ADAMTS17: variants seen among roughly 807,000 people sequenced by gnomAD.
The protein encoded by ADAMTS17 is ADAM metallopeptidase with thrombospondin type 1 motif 17, also known as A disintegrin and metalloproteinase with thrombospondin motifs 17.
Under a neutral mutation model 141.5 loss-of-function variants are expected in ADAMTS17, and 113 were observed. The ratio of observed to expected loss-of-function variants is 0.80; its 90% CI spans 0.69 to 0.93. The LOEUF (loss-of-function observed/expected upper bound fraction) is 0.93, where lower values mean the gene tolerates loss of function less well. Ranked by LOEUF, ADAMTS17 falls within the 40% of genes least tolerant of loss-of-function variation. The probability of loss-of-function intolerance (pLI) is 0.00; values close to 1 mark genes in which losing one functional copy is unlikely to be tolerated. For missense variants in ADAMTS17, 1,659 were observed against 1,517.9 expected (o/e 1.09, Z -1.54); for synonymous variants, 768 against 630.6 (o/e 1.22, Z -3.27).
chr15:100,045,971 C>T (rs2031649962), intron 18 of ADAMTS17, among the ~76,000 whole-genome samples: 1 of 152,180 alleles, frequency 6.6e-6, no homozygotes, highest in Admixed American at 6.5e-5. Flanking sequence ...ACCTCCACCT[C>T]CCAGGTTCAA....
At position 100,179,954 on chromosome 15, in the gene ADAMTS17, T is replaced by C. The variant is rs548041527; in HGVS notation, c.1181+19364A>G. Reference sequence around the variant, plus strand: ...TCTTGTCAGATGGGTAGTTTGTAAATATTTTCTCCCATTCTGTGGGGTGTC... The same window carrying C: ...TCTTGTCAGATGGGTAGTTTGTAAACATTTTCTCCCATTCTGTGGGGTGTC... On this transcript the variant is annotated intron_variant, in intron 8 of 21. Coordinates refer to ENST00000268070, the MANE Select transcript of ADAMTS17 (RefSeq NM_139057.4). Among the ~76,000 whole-genome samples the C allele has an allele frequency of 7.2e-5, 11 of 152,316 alleles. No homozygotes were observed. The South Asian group carries it at 2.3e-3, about 32-fold the overall frequency.
intron 15 of ADAMTS17, among the ~76,000 whole-genome samples, chr15:100,077,835 G>T (rs1392096225): frequency 6.6e-6 from 1 of 152,158 alleles, no homozygotes; most frequent in African/African-American, 2.4e-5. Flanking sequence ...TCTATTTGCA[G>T]ATGCTAAAAT....
At position 100,213,897 on chromosome 15, in the gene ADAMTS17, C is replaced by G. The variant is rs140552860; in HGVS notation, c.1076-14474G>C. ...AGGGTCAGATAGAGGTGCTGAGCCCCTATGTCAAAGTTATTAAATGTTTTT... is the reference window on the plus strand; with the variant it reads ...AGGGTCAGATAGAGGTGCTGAGCCCGTATGTCAAAGTTATTAAATGTTTTT... On this transcript the variant is annotated intron_variant, in intron 7 of 21. Coordinates refer to ENST00000268070, the MANE Select transcript of ADAMTS17 (RefSeq NM_139057.4). 1.6e-3 allele frequency among the ~76,000 whole-genome samples: 247 copies of G among 152,338 alleles called. 7 individuals are homozygous for G. In the South Asian group the frequency reaches 0.043, roughly 27 times the overall value.
chr15:100,269,500 G>C (rs2043831492), intron 4 of ADAMTS17, among the ~76,000 whole-genome samples: 2 of 152,128 alleles, frequency 1.3e-5, no homozygotes. Flanking sequence ...TGTATTCATT[G>C]AGGAAAACTG....
chr15:99,978,704 G>A (rs1241856233), intron 20 of ADAMTS17: 2 of 152,248 alleles, frequency 1.3e-5, no homozygotes, highest in Admixed American at 6.5e-5. Context: ...CGCGACTCCC[G>A]CCCTGCTGGT....
intron 15 of ADAMTS17, among the ~76,000 whole-genome samples, chr15:100,082,402 A>G (rs1012577411): frequency 6.7e-6 from 1 of 149,048 alleles, no homozygotes; most frequent in African/African-American, 2.5e-5. Flanking sequence ...TTTTTTTGAG[A>G]CAGGGTCTCA....
chr15:99,976,200 C>T lies in ADAMTS17; in HGVS notation c.2972G>A (p.Gly991Asp), dbSNP rs2060324402. Residue 991 changes from glycine (G) to aspartate (D), a missense_variant, in exon 21 of 22, where the codon GGC becomes GAC. Gly to Asp is a moderately conservative substitution (Grantham distance 94, BLOSUM62 -1). Coordinates refer to ENST00000268070, the MANE Select transcript of ADAMTS17 (RefSeq NM_139057.4). Reference protein sequence around the residue: ...WSTCSSTCGKGLQSRVVQCMH... With the variant: ...WSTCSSTCGKDLQSRVVQCMH... ...GCACTGCACCACCCGGGACTGCAGG[C>T]CCTTCCCGCAGGTCGACGAGCACTG... is the stretch of plus-strand genomic sequence containing the variant. The T allele has an allele frequency of 1.3e-6, 2 of 1,548,230 alleles. No individual in the cohort carries two copies. The highest frequency in any genetic ancestry group is 8.7e-7 in the Non-Finnish European group (1 of 1,146,986).
rs149691082 is a variant in ADAMTS17 at position 99,998,350 on chromosome 15, C to A, written c.2592-761G>T. Among the ~76,000 whole-genome samples, 1,292 of 152,304 alleles carry A rather than the reference C, an allele frequency of 8.5e-3. 24 individuals are homozygous for A. The highest frequency in any genetic ancestry group is 0.029 in the African/African-American group (1,217 of 41,552). On this transcript the variant is annotated intron_variant, in intron 18 of 21. Coordinates refer to ENST00000268070, the MANE Select transcript of ADAMTS17 (RefSeq NM_139057.4). The stretch of plus-strand genomic sequence containing the variant: ...CTGGGCGGTGGCTGACGCCTGTAAT[C>A]CCAGCACTTTGGGAGGCTGAGGCAG...
At chr15:100,114,175 T>A (rs57550839) in intron 13 of ADAMTS17, among the ~76,000 whole-genome samples, 5,443 of 118,010 alleles carry the variant, frequency 0.046, 118 homozygotes, top group East Asian at 0.1. Context: ...TTTTTTTTTT[T>A]AAAAAAAGGA....
At chr15:100,142,131 C>T (rs190392088) in intron 10 of ADAMTS17, among the ~76,000 whole-genome samples, 1 of 152,322 alleles carries the variant, frequency 6.6e-6, no homozygotes, top group Admixed American at 6.5e-5. Flanking sequence ...TGGAGTAAGA[C>T]ACAGAAACTT....
At chr15:100,137,854 C>T (rs1039666809) in intron 10 of ADAMTS17, among the ~76,000 whole-genome samples, 7 of 151,956 alleles carry the variant, frequency 4.6e-5, no homozygotes, top group African/African-American at 1.7e-4. Context: ...CACCAACACC[C>T]ACCCTTTCAC....
At chr15:100,093,848 A>G (rs533314066) in intron 15 of ADAMTS17, among the ~76,000 whole-genome samples, 1 of 152,234 alleles carries the variant, frequency 6.6e-6, no homozygotes, top group East Asian at 1.9e-4. Context: ...CTAGCGGTTA[A>G]AATGTAGTCA....
chr15:100,175,816 T>C (rs1162840993), intron 8 of ADAMTS17, among the ~76,000 whole-genome samples: 1 of 152,020 alleles, frequency 6.6e-6, no homozygotes, highest in African/African-American at 2.4e-5. Context: ...TGCTTGTTGC[T>C]TGGCAAGATT....
rs572905211 is a variant in ADAMTS17 at position 100,007,750 on chromosome 15, G to T, written c.2592-10161C>A. Among the ~76,000 whole-genome samples, 4 of 152,272 alleles carry T rather than the reference G, an allele frequency of 2.6e-5. No individual in the cohort carries two copies. The South Asian group carries it at 8.3e-4, about 32-fold the overall frequency. On this transcript the variant is annotated intron_variant, in intron 18 of 21. Coordinates refer to ENST00000268070, the MANE Select transcript of ADAMTS17 (RefSeq NM_139057.4). The stretch of plus-strand genomic sequence containing the variant: ...AGAGGCCGGGTTGAGGGGCTACCGG[G>T]TGCAGTGTCAGGCAGGTCGGCAGGT...
chr15:100,063,014 G>C (rs927615399), intron 15 of ADAMTS17, among the ~76,000 whole-genome samples: 1 of 152,150 alleles, frequency 6.6e-6, no homozygotes, highest in African/African-American at 2.4e-5. Context: ...TGCTGGGGTC[G>C]TCTGGGAATT....
At chr15:100,322,150 G>A (rs2045750700) in intron 3 of ADAMTS17, among the ~76,000 whole-genome samples, 2 of 152,208 alleles carry the variant, frequency 1.3e-5, no homozygotes, top group Non-Finnish European at 2.9e-5. Flanking sequence ...GAACAGCACA[G>A]GAGACTGAGG....
intron 8 of ADAMTS17, among the ~76,000 whole-genome samples, chr15:100,175,860 C>A (rs1163549071): frequency 2.0e-5 from 3 of 151,926 alleles, no homozygotes; most frequent in African/African-American, 7.3e-5. Context: ...CCCTCCAGTC[C>A]CAAGGCAGAT....
chr15:100,319,540 C>T (rs1033559428), intron 3 of ADAMTS17, among the ~76,000 whole-genome samples: 1 of 152,102 alleles, frequency 6.6e-6, no homozygotes, highest in African/African-American at 2.4e-5. Context: ...GAAACCCCGT[C>T]TCTACTAAAA....
rs201992797 is a variant in ADAMTS17 at position 99,974,383 on chromosome 15, C to A, written c.*19G>T. On this transcript the variant is annotated 3_prime_UTR_variant, in exon 22 of 22. Transcript: ENST00000268070. Reference sequence around the variant, plus strand: ...TTCAGACCTGAGTCTGAGCTTTGAGCGACCCTTGGGACTGCGTGTCACGAG... The same window carrying A: ...TTCAGACCTGAGTCTGAGCTTTGAGAGACCCTTGGGACTGCGTGTCACGAG... 7 of 1,613,744 alleles carry A rather than the reference C, an allele frequency of 4.3e-6. No individual in the cohort carries two copies. In the African/African-American group the frequency reaches 6.7e-5, roughly 15 times the overall value.
Sources: gnomAD v4.1 joint callset for allele counts (sites outside exome capture counted in the v4.1 genomes callset) on GRCh38, gnomAD v4.1.1 for gene constraint, MANE v1.5 for transcripts, NCBI Gene and HGNC (gene_info 2026-07-23, HGNC 2026-07-21) for gene names.